The following ARID5B variants were observed in gnomAD, a reference collection of about 807,000 sequenced individuals.
The protein encoded by ARID5B is AT-rich interactive domain-containing protein 5B.
A neutral mutation model predicts 97.2 loss-of-function variants in ARID5B; 13 were observed. The observed-to-expected ratio is 0.13, with a 90% confidence interval of 0.09 to 0.21. The LOEUF is 0.21. ARID5B is among the 10% of genes least tolerant of loss of function. ARID5B has a pLI of 1.00. For synonymous variants in ARID5B, 556 were observed against 570.3 expected, an observed-to-expected ratio of 0.97 and a Z score of 0.36; for missense variants, 1,210 against 1,465.3, an observed-to-expected ratio of 0.83 and a Z score of 2.84.
At position 61,902,149 on chromosome 10, in the gene ARID5B, C is replaced by T. The variant is rs780177872; in HGVS notation, c.22-10C>T. The T allele has an allele frequency of 2.5e-6, 4 of 1,608,372 alleles. No homozygotes were observed. Among genetic ancestry groups the T allele is most frequent in the South Asian group, 1.1e-5 (1 of 90,702 alleles). On this transcript the variant is annotated splice_polypyrimidine_tract_variant and intron_variant, in intron 1 of 9. Transcript: ENST00000279873. ...CATTATTTATTTGGTGTTTTTTTCC[C>T]CCCCTGCAGTGGGTCGGCTCACCGT... is the stretch of plus-strand genomic sequence containing the variant.
Position 62,096,708 on chromosome 10 carries a change from T to C in ARID5B, c.*3678T>C. On this transcript the variant is annotated 3_prime_UTR_variant, in exon 10 of 10. Transcript: ENST00000279873. ...TATATAGCAACATGGCCCAGTGATA[T>C]TATATAGTTTCCCAATGGAGAGGTT... The C allele has an allele frequency of 4.3e-6, 1 of 233,580 alleles. No homozygotes were observed. Among genetic ancestry groups the C allele is most frequent in the Non-Finnish European group, 8.5e-6 (1 of 117,974 alleles). 14.5% of individuals were successfully genotyped at this position (233,580 alleles called of 1,614,324 possible).
chr10:61,940,617 A>G (rs188841303), intron 3 of ARID5B, among the ~76,000 whole-genome samples: 4 of 151,986 alleles, frequency 2.6e-5, no homozygotes, highest in Admixed American at 2.6e-4. Flanking sequence ...TTATGTATGG[A>G]CCCTTGTGCT....
At chr10:62,032,271 A>C (rs1167141276) in intron 4 of ARID5B, among the ~76,000 whole-genome samples, 1 of 152,144 alleles carries the variant, frequency 6.6e-6, no homozygotes, top group Non-Finnish European at 1.5e-5. Context: ...GTAAGTTTTG[A>C]TCACACCACT....
chr10:62,008,211 T>C (rs1839172023), intron 4 of ARID5B, among the ~76,000 whole-genome samples: 1 of 152,170 alleles, frequency 6.6e-6, no homozygotes, highest in African/African-American at 2.4e-5. Flanking sequence ...AAATATTGGT[T>C]ACATGAATGG....
chr10:62,088,222 A>G (rs1466249279), intron 9 of ARID5B, among the ~76,000 whole-genome samples: 1 of 152,234 alleles, frequency 6.6e-6, no homozygotes, highest in African/African-American at 2.4e-5. Context: ...GCCAAAAGCA[A>G]GGAAATTCCA....
intron 3 of ARID5B, among the ~76,000 whole-genome samples, chr10:61,989,192 G>A (rs868078660): frequency 6.6e-6 from 1 of 152,056 alleles, no homozygotes; most frequent in African/African-American, 2.4e-5. Context: ...GCCTCCCAAA[G>A]TGCTGGGATT....
At chr10:61,953,170 A>G (rs561717012) in intron 3 of ARID5B, among the ~76,000 whole-genome samples, 49 of 152,326 alleles carry the variant, frequency 3.2e-4, no homozygotes, top group African/African-American at 1.2e-3. Flanking sequence ...GATATTCTCC[A>G]TCTTCCAACT....
chr10:61,970,964 G>C (rs1168737832), intron 3 of ARID5B, among the ~76,000 whole-genome samples: 3 of 126,766 alleles, frequency 2.4e-5, no homozygotes, highest in African/African-American at 8.9e-5. Context: ...GTATTAGTTT[G>C]CTTTTAAAGT....
chr10:62,027,130 CCT>C (rs1839430771), intron 4 of ARID5B, among the ~76,000 whole-genome samples: 1 of 151,772 alleles, frequency 6.6e-6, no homozygotes, highest in Non-Finnish European at 1.5e-5. Context: ...GTCTTGTTTT[CCT>C]CTCTTTCTTC....
rs148078376 is a variant in ARID5B, at chr10:62,091,668, C to A, written c.2205C>A (p.Thr735=). The A allele has an allele frequency of 3.2e-5, 52 of 1,613,994 alleles. No homozygotes were observed. The African/African-American group carries it at 6.8e-4, about 21-fold the overall frequency. Residue 735 remains threonine (T), a synonymous_variant, in exon 10 of 10, where the codon ACC becomes ACA. Transcript: ENST00000279873. The part of the protein sequence containing the change: ...RDDLCSSLSQ[T]HHGQSTDHMA... Reference sequence around the variant, plus strand: ...ACTTGTGTTCCAGTTTGTCCCAGACCCACCATGGCCAAAGCACTGACCATA... The same window carrying A: ...ACTTGTGTTCCAGTTTGTCCCAGACACACCATGGCCAAAGCACTGACCATA...
At chr10:62,072,573 A>C (rs1840079261) in intron 8 of ARID5B, among the ~76,000 whole-genome samples, 1 of 152,196 alleles carries the variant, frequency 6.6e-6, no homozygotes, top group Non-Finnish European at 1.5e-5. Context: ...AACACCAAAA[A>C]TTGGCAGTGT....
chr10:62,048,996 A>C (rs1839748843), intron 4 of ARID5B, among the ~76,000 whole-genome samples: 1 of 152,232 alleles, frequency 6.6e-6, no homozygotes, highest in South Asian at 2.1e-4. Flanking sequence ...CCTCGCGGTC[A>C]TTAAAGTCTT....
chr10:61,923,434 T>C (rs138303977), intron 2 of ARID5B, among the ~76,000 whole-genome samples: 2 of 152,342 alleles, frequency 1.3e-5, no homozygotes, highest in South Asian at 2.1e-4. Context: ...TACATGACTA[T>C]CCGCTCTAGA....
chr10:62,092,348 T>G lies in ARID5B; in HGVS notation c.2885T>G (p.Met962Arg). ...PKACRVSPMT[M>R]SGPKKYPESL... ...GCCTGTCGGGTATCACCCATGACCA[T>G]GTCAGGCCCTAAAAAATACCCTGAA... is the stretch of plus-strand genomic sequence containing the variant. Residue 962 changes from methionine (M) to arginine (R), a missense_variant, in exon 10 of 10, where the codon ATG becomes AGG. Physicochemically the swap from Met to Arg is moderately conservative, Grantham distance 91. Coordinates refer to ENST00000279873, the MANE Select transcript of ARID5B (RefSeq NM_032199.3). The G allele has an allele frequency of 6.2e-7, 1 of 1,614,092 alleles. No homozygotes were observed. The highest frequency in any genetic ancestry group is 8.5e-7 in the Non-Finnish European group (1 of 1,179,976).
intron 4 of ARID5B, chr10:62,049,527 G>T (rs1361174358): frequency 5.2e-6 from 8 of 1,550,096 alleles, no homozygotes; most frequent in Admixed American, 3.9e-5. Context: ...TTGTGAGCTT[G>T]TTTACCTTTG....
intron 3 of ARID5B, among the ~76,000 whole-genome samples, chr10:61,987,347 G>A (rs1301956514): frequency 6.6e-6 from 1 of 152,178 alleles, no homozygotes; most frequent in South Asian, 2.1e-4. Context: ...CATGTGCTTC[G>A]CTTGTTTCCA....
In ARID5B at chr10:61,985,269, G is replaced by A. The variant is rs763573711; in HGVS notation, c.503-14822G>A. Among the ~76,000 whole-genome samples the A allele has an allele frequency of 3.1e-4, 47 of 151,386 alleles. 2 individuals are homozygous for A. The highest frequency in any genetic ancestry group is 2.5e-3 in the Admixed American group (38 of 15,262). On this transcript the variant is annotated intron_variant, in intron 3 of 9. Coordinates refer to ENST00000279873, the MANE Select transcript of ARID5B (RefSeq NM_032199.3). The stretch of plus-strand genomic sequence containing the variant: ...GCAATCCTGTTTAATGACAAAAACC[G>A]CAATTACTTTTTGCACCAACTTAAT...
At position 61,991,097 on chromosome 10, in the gene ARID5B, A is replaced by G. The variant is rs182771954; in HGVS notation, c.503-8994A>G. 2.2e-3 allele frequency among the ~76,000 whole-genome samples: 328 copies of G among 149,478 alleles called. 2 individuals are homozygous for G. Among genetic ancestry groups the G allele is most frequent in the Non-Finnish European group, 3.5e-3 (234 of 67,508 alleles). On this transcript the variant is annotated intron_variant, in intron 3 of 9. Transcript: ENST00000279873. ...ACCAAATTTTGTTATCTGTTCATCTATTGAGGAACTATTGGGTTGTTTCTA... is the reference window on the plus strand; with the variant it reads ...ACCAAATTTTGTTATCTGTTCATCTGTTGAGGAACTATTGGGTTGTTTCTA...
intron 2 of ARID5B, among the ~76,000 whole-genome samples, chr10:61,916,418 A>G (rs991175289): frequency 6.6e-6 from 1 of 152,214 alleles, no homozygotes; most frequent in East Asian, 1.9e-4. Context: ...AACATTTACT[A>G]TCTGGCCCTT....
Sources: gnomAD v4.1 joint callset for allele counts (sites outside exome capture counted in the v4.1 genomes callset) on GRCh38, gnomAD v4.1.1 for gene constraint, MANE v1.5 for transcripts, NCBI Gene and HGNC (gene_info 2026-07-23, HGNC 2026-07-21) for gene names.